PEMT: variants seen among roughly 807,000 people sequenced by gnomAD.
The protein encoded by PEMT is phosphatidylethanolamine N-methyltransferase, also known as phospholipid methyltransferase.
A neutral mutation model predicts 27.4 loss-of-function variants in PEMT; 23 were observed. The ratio of observed to expected loss-of-function variants is 0.84; its 90% CI spans 0.60 to 1.19. The LOEUF is 1.19. PEMT is among the 50% of genes most tolerant of loss of function. PEMT has a pLI of 0.00. For missense variants in PEMT, 307 were observed against 310.1 expected, an observed-to-expected ratio of 0.99 and a Z score of 0.07; for synonymous variants, 137 against 139.1, an observed-to-expected ratio of 0.98 and a Z score of 0.11.
intron 3 of PEMT, among the ~76,000 whole-genome samples, chr17:17,517,231 A>G (rs549830048): frequency 6.6e-6 from 1 of 152,206 alleles, no homozygotes; most frequent in Non-Finnish European, 1.5e-5. Context: ...CCTCCTGGAC[A>G]CAGAAACTGT....
At chr17:17,511,239 G>GCACCTGCCCC (rs1906366938) in intron 4 of PEMT, among the ~76,000 whole-genome samples, 2 of 151,866 alleles carry the variant, frequency 1.3e-5, no homozygotes, top group African/African-American at 2.4e-5. Flanking sequence ...CTACCTGCCC[G>GCACCTGCCCC]CACCTGCCCC....
intron 2 of PEMT, among the ~76,000 whole-genome samples, chr17:17,545,104 C>A (rs1463154917): frequency 2.0e-5 from 3 of 152,202 alleles, no homozygotes; most frequent in African/African-American, 7.2e-5. Context: ...AGGGTCCTTG[C>A]CGGGCCACAC....
intron 1 of PEMT, chr17:17,577,534 G>C: frequency 1.0e-6 from 1 of 993,040 alleles, no homozygotes. Flanking sequence ...CTGAAAAAGT[G>C]TGTGCCCACA....
In PEMT at chr17:17,512,472, G is replaced by T. The variant is rs1033005744; in HGVS notation, c.466+37C>A. On this transcript the variant is annotated intron_variant, in intron 4 of 6. Coordinates refer to ENST00000255389, the MANE Select transcript of PEMT (RefSeq NM_148172.3). This position sits in a 1 kb window ranked among gnomAD's most constrained non-coding sequence, Gnocchi z 6.3. ...CCTGCACCTCCCTGGGGCTCCAGCG[G>T]TCCTGCTCAGGGTCACCCCAGCCCT... 1.3e-5 allele frequency: 20 copies of T among 1,497,100 alleles called. No homozygotes were observed. Among genetic ancestry groups the T allele is most frequent in the African/African-American group, 7.0e-5 (5 of 71,188 alleles). The allele number at this position is 1,497,100 out of a possible 1,614,324, so 92.7% of individuals were successfully genotyped here.
intron 2 of PEMT, among the ~76,000 whole-genome samples, chr17:17,522,667 C>A (rs987566601): frequency 1.3e-5 from 2 of 152,152 alleles, no homozygotes; most frequent in Non-Finnish European, 2.9e-5. Flanking sequence ...AGCCATGAAC[C>A]CACCAAGAGG....
intron 3 of PEMT, 85 bp downstream of exon 3, chr17:17,522,195 G>C: frequency 1.1e-6 from 1 of 950,854 alleles, no homozygotes; most frequent in Non-Finnish European, 1.7e-6. Flanking sequence ...CAAGGCTCCC[G>C]CGTGGTGAGG....
At chr17:17,573,448 CAG>C (rs1430881052) in intron 2 of PEMT, among the ~76,000 whole-genome samples, 3 of 141,242 alleles carry the variant, frequency 2.1e-5, no homozygotes, top group African/African-American at 7.8e-5. Flanking sequence ...GCCTGGGAAA[CAG>C]AGTGAGATGC....
At chr17:17,569,975 T>C (rs1911077812) in intron 2 of PEMT, among the ~76,000 whole-genome samples, 1 of 152,208 alleles carries the variant, frequency 6.6e-6, no homozygotes, top group African/African-American at 2.4e-5. Flanking sequence ...TTTACCTCCA[T>C]GCAGTGCTTT....
At chr17:17,586,293 A>AAG (rs1912309686) in intron 1 of PEMT, among the ~76,000 whole-genome samples, 1 of 121,648 alleles carries the variant, frequency 8.2e-6, no homozygotes, top group Non-Finnish European at 1.6e-5. Context: ...AGAAAGAAAA[A>AAG]AAAAAACGCA....
chr17:17,581,476 A>G (rs1911975423), intron 1 of PEMT, among the ~76,000 whole-genome samples: 1 of 152,242 alleles, frequency 6.6e-6, no homozygotes, highest in Non-Finnish European at 1.5e-5. Context: ...AAATGGGACA[A>G]GGATAAAAGT....
intron 2 of PEMT, among the ~76,000 whole-genome samples, chr17:17,575,544 C>T (rs1290805405): frequency 6.6e-6 from 1 of 152,238 alleles, no homozygotes. Flanking sequence ...TGGGAGGAAA[C>T]GCCAGGATGG....
chr17:17,524,612 A>AT (rs1567681196), intron 2 of PEMT, among the ~76,000 whole-genome samples: 1 of 151,330 alleles, frequency 6.6e-6, no homozygotes, highest in South Asian at 2.1e-4. Flanking sequence ...AAAAAAAAAA[A>AT]AAATAATAAA....
chr17:17,574,610 C>A (rs1012502920), intron 2 of PEMT, among the ~76,000 whole-genome samples: 1 of 152,140 alleles, frequency 6.6e-6, no homozygotes, highest in Non-Finnish European at 1.5e-5. Flanking sequence ...CGTGGGCCAC[C>A]GCGCCCGGCC....
At chr17:17,553,679 G>A (rs1909834649) in intron 2 of PEMT, among the ~76,000 whole-genome samples, 1 of 152,214 alleles carries the variant, frequency 6.6e-6, no homozygotes, top group Admixed American at 6.5e-5. Flanking sequence ...CTTCTCGCAG[G>A]ACAGCCACGT....
chr17:17,577,072 G>T, intron 1 of PEMT, 45 bp from the exon 2 acceptor site: 2 of 1,417,814 alleles, frequency 1.4e-6, no homozygotes, highest in Non-Finnish European at 2.0e-6. Flanking sequence ...ACACAGCAGG[G>T]CCTGTGAGCC....
chr17:17,518,667 T>C (rs1312434932), intron 3 of PEMT, among the ~76,000 whole-genome samples: 1 of 152,190 alleles, frequency 6.6e-6, no homozygotes, highest in Non-Finnish European at 1.5e-5. Context: ...TGACCCAGGC[T>C]TGGCTCAAGC....
chr17:17,542,194 T>C (rs1908935684), intron 2 of PEMT, among the ~76,000 whole-genome samples: 1 of 151,464 alleles, frequency 6.6e-6, no homozygotes, highest in African/African-American at 2.4e-5. Context: ...TTGGCCAGGC[T>C]GGTCTCAAAC....
intron 2 of PEMT, among the ~76,000 whole-genome samples, chr17:17,569,968 A>G (rs1354392346): frequency 6.6e-6 from 1 of 152,100 alleles, no homozygotes; most frequent in Non-Finnish European, 1.5e-5. Flanking sequence ...GCTGCTCTTT[A>G]CCTCCATGCA....
intron 1 of PEMT, among the ~76,000 whole-genome samples, chr17:17,577,992 G>A (rs1197315200): frequency 2.1e-5 from 3 of 146,252 alleles, no homozygotes; most frequent in Non-Finnish European, 4.5e-5. Context: ...ACTCCAGCCT[G>A]GGCAACAGAG....
Sources: allele counts gnomAD v4.1 joint callset (sites outside exome capture counted in the v4.1 genomes callset), GRCh38; gene constraint gnomAD v4.1.1; non-coding constraint Gnocchi (gnomAD v3.1); transcripts MANE v1.5; gene names NCBI Gene and HGNC (gene_info 2026-07-23, HGNC 2026-07-21).